RFPL1: variants seen among roughly 807,000 people sequenced by gnomAD.
The protein encoded by RFPL1 is ret finger protein like 1, also known as ret finger protein-like 1.
A neutral mutation model predicts 9.6 loss-of-function variants in RFPL1; 6 were observed. The ratio of observed to expected loss-of-function variants is 0.62; its 90% CI spans 0.34 to 1.23. The LOEUF is 1.23. Among genes scored for constraint, RFPL1 ranks in the 50% most tolerant of loss-of-function variants. RFPL1 has a pLI of 0.03. For missense variants in RFPL1, 352 were observed against 398.4 expected (o/e 0.88, Z 0.99); for synonymous variants, 145 against 149.4 (o/e 0.97, Z 0.22).
At chr22:29,424,261 G>T in the RFPL1 span, among the ~76,000 whole-genome samples, 1 of 152,096 alleles carries the variant, frequency 6.6e-6, no homozygotes, top group Non-Finnish European at 1.5e-5. Context: ...CATCTACTGT[G>T]TACCTCAATA....
At chr22:29,410,613 C>A in the RFPL1 span, among the ~76,000 whole-genome samples, 41,107 of 126,584 alleles carry the variant, frequency 0.32, 8,921 homozygotes, top group African/African-American at 0.58. Flanking sequence ...ATAGATATAT[C>A]TATCTATATA....
At chr22:29,390,066 A>AT in the RFPL1 span, among the ~76,000 whole-genome samples, 2 of 152,114 alleles carry the variant, frequency 1.3e-5, no homozygotes, top group East Asian at 3.9e-4. Context: ...TCCCAAAGTG[A>AT]TGGGATTATA....
chr22:29,394,953 G>T, the RFPL1 span, among the ~76,000 whole-genome samples: 1 of 152,136 alleles, frequency 6.6e-6, no homozygotes, highest in Non-Finnish European at 1.5e-5. Context: ...TGCCAGGAAG[G>T]TTGAGAGTTC....
At chr22:29,421,458 CT>C in the RFPL1 span, among the ~76,000 whole-genome samples, 1 of 150,988 alleles carries the variant, frequency 6.6e-6, no homozygotes, top group Non-Finnish European at 1.5e-5. Context: ...AAACCCACCC[CT>C]GGGACTCCAA....
chr22:29,436,144 G>C (rs142581769), upstream of RFPL1, among the ~76,000 whole-genome samples: 1 of 152,168 alleles, frequency 6.6e-6, no homozygotes, highest in South Asian at 2.1e-4. Context: ...GAAGGGTAAG[G>C]GGGAGGGGAG....
chr22:29,401,632 C>T, the RFPL1 span, among the ~76,000 whole-genome samples: 1 of 152,226 alleles, frequency 6.6e-6, no homozygotes, highest in African/African-American at 2.4e-5. Flanking sequence ...CCTTCCACTT[C>T]AGTCACTGCT....
At chr22:29,409,346 T>C in the RFPL1 span, among the ~76,000 whole-genome samples, 1 of 152,194 alleles carries the variant, frequency 6.6e-6, no homozygotes, top group Non-Finnish European at 1.5e-5. Context: ...AAGGTGACTA[T>C]TTCGCATTGA....
At chr22:29,403,844 G>A in the RFPL1 span, among the ~76,000 whole-genome samples, 2 of 152,160 alleles carry the variant, frequency 1.3e-5, no homozygotes, top group Admixed American at 6.5e-5. Flanking sequence ...AAAATGGCTC[G>A]ACTCCACGAA....
At chr22:29,438,803 G>C in exon 1 of RFPL1, 3 of 1,613,208 alleles carry the variant, frequency 1.9e-6, no homozygotes, top group Non-Finnish European at 2.5e-6. Flanking sequence ...TGAAAAGGTT[G>C]TCACTTGTCA....
At chr22:29,396,536 T>G in the RFPL1 span, among the ~76,000 whole-genome samples, 2 of 152,240 alleles carry the variant, frequency 1.3e-5, no homozygotes, top group Non-Finnish European at 2.9e-5. Context: ...TGGTTGTGCC[T>G]TCTTGCAAGG....
the RFPL1 span, among the ~76,000 whole-genome samples, chr22:29,393,709 C>G: frequency 6.6e-6 from 1 of 152,208 alleles, no homozygotes; most frequent in Non-Finnish European, 1.5e-5. Context: ...AGAGAGGGCG[C>G]TGGCTTCCTC....
chr22:29,431,452 C>G, the RFPL1 span, among the ~76,000 whole-genome samples: 1 of 152,152 alleles, frequency 6.6e-6, no homozygotes, highest in East Asian at 1.9e-4. Flanking sequence ...GAGTTTCTCT[C>G]TTTGACCTAT....
At chr22:29,439,613 GA>G (rs1158608900) in intron 1 of RFPL1, 1 of 156,380 alleles carries the variant, frequency 6.4e-6, no homozygotes, top group Non-Finnish European at 1.4e-5. Context: ...CAGCCTGGGT[GA>G]CAGAGTGAGA....
chr22:29,397,581 A>G, the RFPL1 span, among the ~76,000 whole-genome samples: 1 of 152,140 alleles, frequency 6.6e-6, no homozygotes, highest in Admixed American at 6.5e-5. Flanking sequence ...GGACCTAAAA[A>G]CCAGATCTTC....
chr22:29,436,174 T>C (rs1289029141), upstream of RFPL1, among the ~76,000 whole-genome samples: 1 of 151,862 alleles, frequency 6.6e-6, no homozygotes, highest in Non-Finnish European at 1.5e-5. Context: ...AGGTCGGTAA[T>C]TGGATATAAA....
At chr22:29,413,431 A>G in the RFPL1 span, among the ~76,000 whole-genome samples, 1 of 152,198 alleles carries the variant, frequency 6.6e-6, no homozygotes, top group Non-Finnish European at 1.5e-5. Flanking sequence ...ATAATTTTTA[A>G]GAAATGGACC....
At chr22:29,441,854 G>C (rs61735697) in exon 2 of RFPL1, 8 of 1,613,812 alleles carry the variant, frequency 5.0e-6, no homozygotes, top group Non-Finnish European at 6.8e-6. Context: ...CTCTCTGCCA[G>C]CACGGTGCCG....
At position 29,439,117 on chromosome 22, in the gene RFPL1, A is replaced by G. The variant is rs771839604; in HGVS notation, c.326A>G (p.Lys109Arg). 2.1e-5 allele frequency: 34 copies of G among 1,614,086 alleles called. No homozygotes were observed. In the East Asian group the frequency reaches 5.6e-4, roughly 26 times the overall value. The change falls in exon 1 of 2, where the codon AAG (lysine) becomes AGG (arginine). Residue 109 changes from lysine to arginine, a missense_variant. Transcript: ENST00000354373. ...TCCCACATCAAGGAACTGGAGCCCA[A>G]GCTGAAGAAGATTCTGCAGATGAAC...
At chr22:29,391,123 C>A in the RFPL1 span, among the ~76,000 whole-genome samples, 1 of 151,520 alleles carries the variant, frequency 6.6e-6, no homozygotes, top group Non-Finnish European at 1.5e-5. Flanking sequence ...GCCTGGGCGA[C>A]GGAGTGAGAC....
Sources: allele counts gnomAD v4.1 joint callset (sites outside exome capture counted in the v4.1 genomes callset), GRCh38; gene constraint gnomAD v4.1.1; transcripts MANE v1.5; gene names NCBI Gene and HGNC (gene_info 2026-07-23, HGNC 2026-07-21).